TUSC3: variants seen among roughly 807,000 people sequenced by gnomAD.
TUSC3 encodes dolichyl-diphosphooligosaccharide--protein glycosyltransferase subunit TUSC3.
Under a neutral mutation model 44.8 loss-of-function variants are expected in TUSC3, and 45 were observed. That is an observed-to-expected ratio of 1.00 (90% CI 0.79 to 1.29). TUSC3 has a LOEUF of 1.29. TUSC3 is among the 50% of genes most tolerant of loss of function. The pLI is 0.00. For missense variants in TUSC3, 519 were observed against 437.9 expected, an observed-to-expected ratio of 1.19 and a Z score of -1.65; for synonymous variants, 212 against 152.9, an observed-to-expected ratio of 1.39 and a Z score of -2.85.
At chr8:15,431,333 A>G (rs992667009) in intron 1 of TUSC3, among the ~76,000 whole-genome samples, 2 of 151,700 alleles carry the variant, frequency 1.3e-5, no homozygotes, top group Non-Finnish European at 1.5e-5. Context: ...ACATATATCT[A>G]TCTATTTGTG....
intron 1 of TUSC3, among the ~76,000 whole-genome samples, chr8:15,461,223 T>C (rs1800340258): frequency 6.6e-6 from 1 of 152,174 alleles, no homozygotes; most frequent in South Asian, 2.1e-4. Context: ...GTAGTTTTTC[T>C]TGTAGAGGTC....
At chr8:15,487,206 C>T (rs1048649641) in intron 2 of TUSC3, among the ~76,000 whole-genome samples, 2 of 151,998 alleles carry the variant, frequency 1.3e-5, no homozygotes, top group African/African-American at 2.4e-5. Flanking sequence ...ATGATCTGAC[C>T]GTATTTCTAC....
intron 9 of TUSC3, 137 bp downstream of exon 9, chr8:15,748,602 C>A: frequency 1.2e-6 from 1 of 809,828 alleles, no homozygotes; most frequent in Non-Finnish European, 2.2e-6. Context: ...TTTTTGAGCA[C>A]CTGCCATGTG....
At chr8:15,454,255 C>A (rs1305597475) in intron 1 of TUSC3, among the ~76,000 whole-genome samples, 1 of 152,232 alleles carries the variant, frequency 6.6e-6, no homozygotes, top group East Asian at 1.9e-4. Context: ...TCCAAGTGTA[C>A]TTTACTCCAT....
At chr8:15,838,820 G>T in the TUSC3 span, among the ~76,000 whole-genome samples, 3 of 152,088 alleles carry the variant, frequency 2.0e-5, no homozygotes, top group South Asian at 6.2e-4. Flanking sequence ...TTTTGGCTTA[G>T]GATTGTCTTG....
chr8:15,675,917 T>C (rs1376932896), intron 6 of TUSC3, among the ~76,000 whole-genome samples: 1 of 152,152 alleles, frequency 6.6e-6, no homozygotes, highest in Non-Finnish European at 1.5e-5. Flanking sequence ...GTGTCTTTTT[T>C]GTAGAACAAT....
intron 1 of TUSC3, among the ~76,000 whole-genome samples, chr8:15,596,396 G>A (rs542232415): frequency 1.3e-5 from 2 of 152,070 alleles, no homozygotes; most frequent in African/African-American, 4.8e-5. Flanking sequence ...TTTCTCAACC[G>A]AATGCAGCTA....
chr8:15,443,397 C>T (rs1438571033), intron 1 of TUSC3, among the ~76,000 whole-genome samples: 1 of 148,882 alleles, frequency 6.7e-6, no homozygotes, highest in African/African-American at 2.5e-5. Flanking sequence ...TGGGGTTTCA[C>T]CATGTTGCCT....
intron 2 of TUSC3, among the ~76,000 whole-genome samples, chr8:15,625,714 G>C (rs1251416992): frequency 6.6e-6 from 1 of 152,130 alleles, no homozygotes; most frequent in Non-Finnish European, 1.5e-5. Flanking sequence ...TAAAAAATCA[G>C]TTTTACTCAG....
the TUSC3 span, among the ~76,000 whole-genome samples, chr8:15,805,997 G>A: frequency 1.3e-5 from 2 of 152,162 alleles, no homozygotes; most frequent in South Asian, 4.1e-4. Context: ...TGAGCCAGAA[G>A]TTGTACTGCT....
the TUSC3 span, among the ~76,000 whole-genome samples, chr8:15,783,273 G>T: frequency 4.6e-5 from 7 of 152,148 alleles, no homozygotes; most frequent in Admixed American, 4.6e-4. Context: ...TGTTCATACT[G>T]TCCAAAGTGT....
At chr8:15,523,662 ATATGTGTGTGTGTGTG>A (rs1801330962) in intron 2 of TUSC3, among the ~76,000 whole-genome samples, 1 of 21,888 alleles carries the variant, frequency 4.6e-5, no homozygotes, top group African/African-American at 1.9e-4. Flanking sequence ...ATATATATAT[ATATGTGTGTGTGTGTG>A]TGTGTGTGTG....
rs869090876 is a variant in TUSC3, at chr8:15,523,664, ATGTGTGTG to A, written n.189+40219_189+40226del. Among the ~76,000 whole-genome samples, 345 of 42,418 alleles carry A rather than the reference ATGTGTGTG, an allele frequency of 8.1e-3. 17 individuals are homozygous for A. Among genetic ancestry groups the A allele is most frequent in the African/African-American group, 0.028 (324 of 11,494 alleles). 27.8% of individuals were successfully genotyped at this position (42,418 alleles called of 152,430 possible). A position where few individuals can be genotyped will look rare whatever the true frequency, so the allele number is the denominator to read the frequency against. On this transcript the variant is annotated intron_variant and non_coding_transcript_variant, in intron 2 of 5. Transcript: ENST00000503191. ...CATATATATATATATATATATATAT[ATGTGTGTG>A]TGTGTGTGTGTGTGTGTGTGTGTGT... is the stretch of plus-strand genomic sequence containing the variant.
At chr8:15,785,902 T>G in the TUSC3 span, among the ~76,000 whole-genome samples, 1 of 152,080 alleles carries the variant, frequency 6.6e-6, no homozygotes, top group African/African-American at 2.4e-5. Context: ...ATGGTCCAAT[T>G]GCTTGTTTGA....
At chr8:15,508,305 A>C (rs1414011858) in intron 2 of TUSC3, among the ~76,000 whole-genome samples, 1 of 152,130 alleles carries the variant, frequency 6.6e-6, no homozygotes, top group Non-Finnish European at 1.5e-5. Context: ...TGGGTAATAA[A>C]AAATTTTGTT....
At chr8:15,488,513 G>T (rs1486546922) in intron 2 of TUSC3, among the ~76,000 whole-genome samples, 1 of 151,630 alleles carries the variant, frequency 6.6e-6, no homozygotes, top group African/African-American at 2.4e-5. Flanking sequence ...AAAATAAACT[G>T]TTTTTTTGTC....
intron 6 of TUSC3, among the ~76,000 whole-genome samples, chr8:15,701,378 C>T (rs1255918040): frequency 6.6e-6 from 1 of 152,046 alleles, no homozygotes; most frequent in Non-Finnish European, 1.5e-5. Context: ...TTTTACTTAA[C>T]ATATTTTTGA....
At chr8:15,603,886 G>C (rs1234511350) in intron 1 of TUSC3, among the ~76,000 whole-genome samples, 1 of 151,308 alleles carries the variant, frequency 6.6e-6, no homozygotes, top group Non-Finnish European at 1.5e-5. Context: ...ACCTCCTTGA[G>C]TTAGAATCAT....
At chr8:15,734,069 T>G (rs1277333170) in intron 7 of TUSC3, among the ~76,000 whole-genome samples, 2 of 152,196 alleles carry the variant, frequency 1.3e-5, no homozygotes, top group African/African-American at 2.4e-5. Context: ...TTTCAATAAT[T>G]TCTGATTCTA....
Sources: gnomAD v4.1 joint callset for allele counts (sites outside exome capture counted in the v4.1 genomes callset) on GRCh38, gnomAD v4.1.1 for gene constraint, MANE v1.5 for transcripts, NCBI Gene and HGNC (gene_info 2026-07-23, HGNC 2026-07-21) for gene names.